MIER1: variants seen among roughly 807,000 people sequenced by gnomAD.
MIER1 encodes the protein mesoderm induction early response protein 1.
In MIER1, 40 loss-of-function variants were observed where a neutral mutation model predicts 75.7. The observed-to-expected ratio is 0.53, with a 90% CI of 0.41 to 0.69. The LOEUF (loss-of-function observed/expected upper bound fraction) is 0.69. MIER1 is among the 30% of genes least tolerant of loss of function. The pLI is 0.00. For synonymous variants in MIER1, 213 were observed against 223.4 expected, an observed-to-expected ratio of 0.95 and a Z score of 0.42; for missense variants, 574 against 680.2, an observed-to-expected ratio of 0.84 and a Z score of 1.74.
chr1:66,937,023 G>A lies in MIER1; in HGVS notation c.169-3005G>A, dbSNP rs2985820. On this transcript the variant is annotated intron_variant, in intron 2 of 13. Coordinates refer to ENST00000401041, the MANE Select transcript of MIER1 (RefSeq NM_001077700.3). ...CAAAAAAAAAAAAAAAAAAAAAAGA[G>A]AAAAAGAAAAAAGTGAGGGTGAAGG... Among the ~76,000 whole-genome samples the A allele has an allele frequency of 3.3e-3, 460 of 141,102 alleles. 4 individuals carry two copies. The highest frequency in any genetic ancestry group is 0.011 in the African/African-American group (436 of 38,316). The allele number at this position is 141,102 out of a possible 152,430, so 92.6% of individuals were successfully genotyped here.
chr1:66,930,812 C>T (rs547262431), intron 2 of MIER1, among the ~76,000 whole-genome samples: 1 of 152,246 alleles, frequency 6.6e-6, no homozygotes, highest in African/African-American at 2.4e-5. Flanking sequence ...CACCCCCATC[C>T]ATTTGCGACT....
At chr1:66,980,608 C>G (rs970838665) in intron 12 of MIER1, among the ~76,000 whole-genome samples, 2 of 152,156 alleles carry the variant, frequency 1.3e-5, no homozygotes, top group African/African-American at 4.8e-5. Flanking sequence ...TTACCCTGCT[C>G]ACAAAATTCT....
chr1:66,970,995 A>G (rs780394217), intron 9 of MIER1, 36 bp downstream of exon 9: 1 of 1,531,028 alleles, frequency 6.5e-7, no homozygotes, highest in Non-Finnish European at 8.7e-7. Context: ...ACTTTGCCAT[A>G]CACATTTATA....
chr1:66,988,364 T>TTCC lies in MIER1; in HGVS notation c.*3464_*3465insTCC, dbSNP rs1667043243. On this transcript the variant is annotated 3_prime_UTR_variant, in exon 14 of 14. Transcript: ENST00000401041. ...AATATCAAGTTCATCCTTTGCAGAA[T>TTCC]CTTAAAGGGTTTTCCACACATCCAT... is the stretch of plus-strand genomic sequence containing the variant. The TTCC allele has an allele frequency of 6.6e-6, 1 of 152,078 alleles. No individual in the cohort carries two copies. The highest frequency in any genetic ancestry group is 2.4e-5 in the African/African-American group (1 of 41,426). The allele number at this position is 152,078 out of a possible 1,614,324, so 9.4% of individuals were successfully genotyped here. A position where few individuals can be genotyped will look rare whatever the true frequency, so the allele number is the denominator to read the frequency against.
At position 66,925,008 on chromosome 1, in the gene MIER1, G is replaced by C. The variant is rs1175662704; in HGVS notation, c.-21G>C. 5 of 1,545,544 alleles carry C rather than the reference G, an allele frequency of 3.2e-6. No homozygotes were observed. The highest frequency in any genetic ancestry group is 1.4e-5 in the African/African-American group (1 of 72,370). Reference sequence around the variant, plus strand: ...GGGCCTCAGGCCCCTCCCAGGCTCTGAGTCTCCCGGCTGCAGGCGGATGGA... The same window carrying C: ...GGGCCTCAGGCCCCTCCCAGGCTCTCAGTCTCCCGGCTGCAGGCGGATGGA... On this transcript the variant is annotated 5_prime_UTR_variant, in exon 1 of 14. Transcript: ENST00000401041.
chr1:66,965,327 T>C (rs1403547508), intron 8 of MIER1, among the ~76,000 whole-genome samples: 1 of 152,108 alleles, frequency 6.6e-6, no homozygotes, highest in Non-Finnish European at 1.5e-5. Context: ...CATTTGTTTT[T>C]ATTAAATTTC....
At chr1:66,925,665 C>T (rs1307355150) in intron 1 of MIER1, 3 of 485,404 alleles carry the variant, frequency 6.2e-6, no homozygotes, top group South Asian at 8.7e-5. Flanking sequence ...GACAGATGCC[C>T]GCCGCTCTTT....
chr1:66,934,168 T>C lies in MIER1; in HGVS notation c.169-5860T>C, dbSNP rs75480173. 6.0e-3 allele frequency among the ~76,000 whole-genome samples: 914 copies of C among 152,304 alleles called. 6 individuals carry two copies. The highest frequency in any genetic ancestry group is 0.011 in the Non-Finnish European group (715 of 68,032). ...ATTTAAAAAAATAAATTTAAACATA[T>C]CCCATGCATTTAGCTGCATACTCCT... On this transcript the variant is annotated intron_variant, in intron 2 of 13. Coordinates refer to ENST00000401041, the MANE Select transcript of MIER1 (RefSeq NM_001077700.3).
intron 2 of MIER1, among the ~76,000 whole-genome samples, chr1:66,932,447 T>C (rs1224434684): frequency 6.6e-6 from 1 of 152,210 alleles, no homozygotes; most frequent in Non-Finnish European, 1.5e-5. Flanking sequence ...GGAACTTTCG[T>C]GATCTGTGTC....
At chr1:66,976,552 GT>G (rs780724722) in intron 11 of MIER1, 42 bp from the exon 12 acceptor site, 2 of 1,522,588 alleles carry the variant, frequency 1.3e-6, no homozygotes, top group Non-Finnish European at 1.8e-6. Flanking sequence ...AAGTAACTTT[GT>G]TAAAAAGGAG....
At chr1:66,926,481 C>A (rs1407106296) in intron 2 of MIER1, among the ~76,000 whole-genome samples, 1 of 152,038 alleles carries the variant, frequency 6.6e-6, no homozygotes, top group Non-Finnish European at 1.5e-5. Context: ...AAAAGAAAAT[C>A]CAAAACTGTT....
At chr1:66,936,998 C>CAAAAAA (rs751644771) in intron 2 of MIER1, among the ~76,000 whole-genome samples, 32 of 68,336 alleles carry the variant, frequency 4.7e-4, no homozygotes, top group African/African-American at 1.0e-3. Context: ...GACTCCATCT[C>CAAAAAA]AAAAAAAAAA....
At chr1:66,966,233 T>C (rs1487871580) in intron 8 of MIER1, among the ~76,000 whole-genome samples, 1 of 152,178 alleles carries the variant, frequency 6.6e-6, no homozygotes, top group East Asian at 1.9e-4. Context: ...CCCTTTCCTG[T>C]GTCCAAGTGT....
intron 13 of MIER1, 89 bp from the exon 14 acceptor site, chr1:66,984,483 T>C: frequency 5.2e-6 from 5 of 970,694 alleles, no homozygotes; most frequent in Non-Finnish European, 7.7e-6. Context: ...CTTGCTTCCT[T>C]GATAACAATA....
At chr1:66,961,160 T>C (rs1441558224) in intron 7 of MIER1, among the ~76,000 whole-genome samples, 1 of 152,234 alleles carries the variant, frequency 6.6e-6, no homozygotes, top group African/African-American at 2.4e-5. Context: ...CAGATTGTTT[T>C]CTTTCAGTAT....
chr1:66,951,826 G>T (rs1263678118), intron 4 of MIER1, among the ~76,000 whole-genome samples: 2 of 151,990 alleles, frequency 1.3e-5, no homozygotes, highest in African/African-American at 4.8e-5. Flanking sequence ...ATTTCACATT[G>T]TAACAGGATG....
chr1:66,925,563 T>G (rs1278913418), intron 1 of MIER1: 1 of 984,930 alleles, frequency 1.0e-6, no homozygotes, highest in African/African-American at 1.7e-5. Context: ...CAACTTGCCC[T>G]TTTCGGATGG....
At chr1:66,981,491 C>A (rs528960278) in intron 12 of MIER1, among the ~76,000 whole-genome samples, 9 of 152,152 alleles carry the variant, frequency 5.9e-5, no homozygotes, top group African/African-American at 9.7e-5. Flanking sequence ...TCTTCCAGTT[C>A]TAGTTGGGCC....
rs953376761 is a variant in MIER1 at position 66,987,251 on chromosome 1, A to C, written c.*2351A>C. ...TTAATGCAGCCACTATAACTTGATA[A>C]GTCATTGCACTATTTAAAAAGTTTT... On this transcript the variant is annotated 3_prime_UTR_variant, in exon 14 of 14. Coordinates refer to ENST00000401041, the MANE Select transcript of MIER1 (RefSeq NM_001077700.3). 6.5e-6 allele frequency: 1 copy of C among 152,756 alleles called. No individual in the cohort carries two copies. The highest frequency in any genetic ancestry group is 1.5e-5 in the Non-Finnish European group (1 of 67,982). The allele number at this position is 152,756 out of a possible 1,614,324, so 9.5% of individuals were successfully genotyped here.
Sources: allele counts gnomAD v4.1 joint callset (sites outside exome capture counted in the v4.1 genomes callset), GRCh38; gene constraint gnomAD v4.1.1; transcripts MANE v1.5; gene names NCBI Gene and HGNC (gene_info 2026-07-23, HGNC 2026-07-21).